Variants in ZFP91 observed in about 807,000 individuals in gnomAD.
ZFP91 encodes the protein E3 ubiquitin-protein ligase ZFP91.
ZFP91 carries 7 observed loss-of-function variants against 63.5 expected under a neutral mutation model. The observed-to-expected ratio is 0.11, with a 90% CI of 0.06 to 0.21. The LOEUF is 0.21. Among genes scored for constraint, ZFP91 ranks in the 10% least tolerant of loss-of-function variants. ZFP91 has a pLI of 1.00. For missense variants in ZFP91, 628 were observed against 736.6 expected, an observed-to-expected ratio of 0.85 and a Z score of 1.71; for synonymous variants, 330 against 272.1, an observed-to-expected ratio of 1.21 and a Z score of -2.10.
chr11:58,607,473 A>T (rs1855587176), intron 2 of ZFP91, among the ~76,000 whole-genome samples: 1 of 151,852 alleles, frequency 6.6e-6, no homozygotes, highest in Admixed American at 6.6e-5. Context: ...TTTATTTTTT[A>T]TTTTTTCTAT....
intron 9 of ZFP91, among the ~76,000 whole-genome samples, chr11:58,614,972 A>G (rs1855726930): frequency 6.6e-6 from 1 of 152,212 alleles, no homozygotes; most frequent in African/African-American, 2.4e-5. Flanking sequence ...GACACTTGAT[A>G]ATTACACATT....
At position 58,598,517 on chromosome 11, in the gene ZFP91, T is replaced by C. The variant is rs1405150848; in HGVS notation, c.371-11313T>C. ...CATGTTGCTCATGCAGTGACTAGTATGATGTCTTCCTTTACCCAAGCTAGT... is the reference window on the plus strand; with the variant it reads ...CATGTTGCTCATGCAGTGACTAGTACGATGTCTTCCTTTACCCAAGCTAGT... On this transcript the variant is annotated intron_variant, in intron 2 of 10. Transcript: ENST00000316059. Among the ~76,000 whole-genome samples the C allele has an allele frequency of 3.3e-5, 5 of 152,154 alleles. No homozygotes were observed. In the East Asian group the frequency reaches 9.6e-4, roughly 29 times the overall value.
At position 58,617,438 on chromosome 11, in the gene ZFP91, C is replaced by T; in HGVS notation, c.1445C>T (p.Ser482Phe). The T allele has an allele frequency of 6.2e-7, 1 of 1,613,892 alleles. No homozygotes were observed. The highest frequency in any genetic ancestry group is 8.5e-7 in the Non-Finnish European group (1 of 1,179,898). Reference sequence around the variant, plus strand: ...GATATCTTGGGCACTAACCCAGAGTCCCTGACGCAGCCTTCAGATGGTCAG... The same window carrying T: ...GATATCTTGGGCACTAACCCAGAGTTCCTGACGCAGCCTTCAGATGGTCAG... ...STDILGTNPE[S>F]LTQPSDGQGL... is the part of the protein sequence containing the mutation. The change falls in exon 11 of 11, where the codon TCC (serine) becomes TTC (phenylalanine). Residue 482 changes from serine to phenylalanine, a missense_variant. Around this residue, in one of 3 missense-constraint regions of ZFP91, gnomAD observed 115 missense variants for 125.4 expected, o/e 0.92. Coordinates refer to ENST00000316059, the MANE Select transcript of ZFP91 (RefSeq NM_053023.5). This position sits in a 1 kb window ranked among gnomAD's most constrained non-coding sequence, Gnocchi z 4.2.
At chr11:58,592,044 A>G (rs1410611480) in intron 2 of ZFP91, among the ~76,000 whole-genome samples, 1 of 144,678 alleles carries the variant, frequency 6.9e-6, no homozygotes, top group Non-Finnish European at 1.5e-5. Flanking sequence ...AATTTTTGTG[A>G]TGCTCGAGCT....
rs573315009 is a variant in ZFP91 at position 58,611,600 on chromosome 11, T to G, written c.723-4T>G. ...CTAGTATTGAAATGCATTTGTGTTT[T>G]CAGGGAAACCCCAAAGCCACGGAGA... is the stretch of plus-strand genomic sequence containing the variant. On this transcript the variant is annotated splice_polypyrimidine_tract_variant and splice_region_variant and intron_variant, in intron 5 of 10. Transcript: ENST00000316059. The G allele has an allele frequency of 3.4e-5, 54 of 1,610,334 alleles. No homozygotes were observed. The highest frequency in any genetic ancestry group is 4.5e-5 in the Non-Finnish European group (53 of 1,178,320).
At chr11:58,589,969 CAACTT>C (rs1855277068) in intron 2 of ZFP91, among the ~76,000 whole-genome samples, 1 of 152,152 alleles carries the variant, frequency 6.6e-6, no homozygotes, top group South Asian at 2.1e-4. Context: ...TATTACAGCT[CAACTT>C]ATTGCCATCT....
chr11:58,611,876 C>G, intron 6 of ZFP91, 138 bp downstream of exon 6: 1 of 1,060,532 alleles, frequency 9.4e-7, no homozygotes, highest in South Asian at 2.4e-5. Context: ...AATTTGGCCT[C>G]AAGCAGCTGA....
chr11:58,603,589 C>G (rs1351132376), intron 2 of ZFP91, among the ~76,000 whole-genome samples: 1 of 152,146 alleles, frequency 6.6e-6, no homozygotes, highest in Non-Finnish European at 1.5e-5. Context: ...CTGAATGGGA[C>G]AGAGACAGAA....
chr11:58,603,326 A>T (rs1855521378), intron 2 of ZFP91, among the ~76,000 whole-genome samples: 1 of 152,178 alleles, frequency 6.6e-6, no homozygotes. Context: ...TAATTTGAAA[A>T]TTTTTTAGTC....
rs989830282 is a variant in ZFP91, at chr11:58,579,149, G to C, written c.-133G>C. ...CGCCCTCGGAGCCGGGCGGAGGGGA[G>C]GGGGGAAAGAGGAGCGCAGGGTGAG... On this transcript the variant is annotated 5_prime_UTR_variant, in exon 1 of 11. Transcript: ENST00000316059. The C allele has an allele frequency of 2.8e-6, 2 of 714,710 alleles. No homozygotes were observed. The highest frequency in any genetic ancestry group is 3.5e-5 in the East Asian group (1 of 28,588). 44.3% of individuals were successfully genotyped at this position (714,710 alleles called of 1,614,324 possible). A position where few individuals can be genotyped will look rare whatever the true frequency, so the allele number is the denominator to read the frequency against.
intron 2 of ZFP91, among the ~76,000 whole-genome samples, chr11:58,589,048 T>C (rs118090552): frequency 6.6e-6 from 1 of 152,280 alleles, no homozygotes; most frequent in East Asian, 1.9e-4. Context: ...AGCCCAGTCT[T>C]AACACTCAGA....
chr11:58,594,569 A>C (rs1855364627), intron 2 of ZFP91, among the ~76,000 whole-genome samples: 2 of 152,186 alleles, frequency 1.3e-5, no homozygotes, highest in Non-Finnish European at 1.5e-5. Context: ...TTTTGCTCCA[A>C]AATTTTAATA....
rs748033278 is a variant in ZFP91 at position 58,579,558 on chromosome 11, G to A, written c.277G>A (p.Gly93Arg). 6.3e-7 allele frequency: 1 copy of A among 1,584,298 alleles called. No individual in the cohort carries two copies. Among genetic ancestry groups the A allele is most frequent in the East Asian group, 2.5e-5 (1 of 40,450 alleles). Residue 93 changes from glycine to arginine, a missense_variant, in exon 1 of 11, where the codon GGG (glycine) becomes AGG (arginine). Gly to Arg is a moderately radical substitution (Grantham distance 125). Coordinates refer to ENST00000316059, the MANE Select transcript of ZFP91 (RefSeq NM_053023.5). ...SPSARPPDVPGQQPQAAKSPS... is the reference protein window; with the variant it reads ...SPSARPPDVPRQQPQAAKSPS... ...CAGCGCCAGGCCTCCCGACGTCCCC[G>A]GGCAGCAGCCCCAGGCCGCGAAGTC...
rs1228875899 is a variant in ZFP91 at position 58,619,119 on chromosome 11, CAAAG to C, written c.*1417_*1420del. On this transcript the variant is annotated 3_prime_UTR_variant, in exon 11 of 11. Coordinates refer to ENST00000316059, the MANE Select transcript of ZFP91 (RefSeq NM_053023.5). ...GTCTATGAGTCCTAAAATTTTAAGTCAAAGAAAACTGCTCTGTTTCCCCTTTAGT... is the reference window on the plus strand; with the variant it reads ...GTCTATGAGTCCTAAAATTTTAAGTCAAAACTGCTCTGTTTCCCCTTTAGT... 3.3e-5 allele frequency: 5 copies of C among 153,644 alleles called. No homozygotes were observed. Among genetic ancestry groups the C allele is most frequent in the African/African-American group, 9.7e-5 (4 of 41,422 alleles). The allele number at this position is 153,644 out of a possible 1,614,324, so 9.5% of individuals were successfully genotyped here.
intron 2 of ZFP91, among the ~76,000 whole-genome samples, chr11:58,593,284 C>CA (rs1590615867): frequency 6.6e-6 from 1 of 152,324 alleles, no homozygotes; most frequent in Admixed American, 6.5e-5. Flanking sequence ...ACCAGATGCT[C>CA]AGAGAGCACC....
At chr11:58,583,056 T>C (rs1467391082) in intron 1 of ZFP91, among the ~76,000 whole-genome samples, 1 of 152,148 alleles carries the variant, frequency 6.6e-6, no homozygotes, top group Non-Finnish European at 1.5e-5. Flanking sequence ...TTATATACTG[T>C]CTTTAATTTT....
chr11:58,594,815 C>CA (rs1358635201), intron 2 of ZFP91, among the ~76,000 whole-genome samples: 2 of 152,136 alleles, frequency 1.3e-5, no homozygotes, highest in Non-Finnish European at 2.9e-5. Flanking sequence ...TTTAAAATCT[C>CA]ATTTATTTTC....
At chr11:58,599,786 G>A (rs1855463539) in intron 2 of ZFP91, among the ~76,000 whole-genome samples, 1 of 151,898 alleles carries the variant, frequency 6.6e-6, no homozygotes, top group South Asian at 2.1e-4. Context: ...ATTCTGTAGG[G>A]TTATCTTCAC....
At chr11:58,612,010 CATTGAG>C in intron 6 of ZFP91, 1 of 522,470 alleles carries the variant, frequency 1.9e-6, no homozygotes, top group Non-Finnish European at 3.3e-6. Flanking sequence ...AAAAGTAATA[CATTGAG>C]ATTCTTCTAA....
Sources: allele counts gnomAD v4.1 joint callset (sites outside exome capture counted in the v4.1 genomes callset), GRCh38; gene constraint gnomAD v4.1.1; regional missense constraint gnomAD v4.1.1; non-coding constraint Gnocchi (gnomAD v3.1); transcripts MANE v1.5; gene names NCBI Gene and HGNC (gene_info 2026-07-23, HGNC 2026-07-21).